DPYSL3: variants seen among roughly 807,000 people sequenced by gnomAD.
DPYSL3 encodes dihydropyrimidinase-related protein 3.
A neutral mutation model predicts 66.1 loss-of-function variants in DPYSL3; 16 were observed. The ratio of observed to expected loss-of-function variants is 0.24; its 90% CI spans 0.16 to 0.37. DPYSL3 has a LOEUF of 0.37. DPYSL3 is among the 10% of genes least tolerant of loss of function. The pLI, the probability that DPYSL3 is intolerant of heterozygous loss-of-function variation, is 1.00. For synonymous variants in DPYSL3, 338 were observed against 345.1 expected (o/e 0.98, Z 0.23); for missense variants, 738 against 916.2 (o/e 0.81, Z 2.51).
At chr5:147,404,808 A>T (rs1025226444) in intron 8 of DPYSL3, among the ~76,000 whole-genome samples, 1 of 152,182 alleles carries the variant, frequency 6.6e-6, no homozygotes, top group Non-Finnish European at 1.5e-5. Context: ...GGTGGCCAAT[A>T]TGCTTTGGAG....
At chr5:147,500,894 G>C (rs1753596774) in intron 1 of DPYSL3, among the ~76,000 whole-genome samples, 1 of 152,128 alleles carries the variant, frequency 6.6e-6, no homozygotes, top group Non-Finnish European at 1.5e-5. Flanking sequence ...GCACCACTTT[G>C]GAAGACAATT....
intron 1 of DPYSL3, among the ~76,000 whole-genome samples, chr5:147,430,522 AAAG>A (rs1489027845): frequency 7.6e-4 from 115 of 151,678 alleles, no homozygotes; most frequent in Middle Eastern, 3.4e-3. Context: ...AAAAAAAAAA[AAAG>A]AAAAAAAAGG....
intron 1 of DPYSL3, among the ~76,000 whole-genome samples, chr5:147,434,507 C>A (rs1282931577): frequency 2.0e-5 from 3 of 152,130 alleles, no homozygotes; most frequent in Non-Finnish European, 4.4e-5. Context: ...GGAAGAAGTG[C>A]CTAAATTCAA....
Position 147,393,921 on chromosome 5 carries a change from G to A in DPYSL3, c.*114C>T. The A allele has an allele frequency of 9.5e-7, 1 of 1,049,474 alleles. No individual in the cohort carries two copies. The highest frequency in any genetic ancestry group is 1.4e-6 in the Non-Finnish European group (1 of 701,128). 65.0% of individuals were successfully genotyped at this position (1,049,474 alleles called of 1,614,324 possible). ...AGAAACATAAGGCTTGAGGCTTATT[G>A]ATTCTTTAGATCACAACCGTTTGGA... On this transcript the variant is annotated 3_prime_UTR_variant, in exon 14 of 14. Coordinates refer to ENST00000343218, the MANE Select transcript of DPYSL3 (RefSeq NM_001197294.2).
intron 1 of DPYSL3, among the ~76,000 whole-genome samples, chr5:147,473,964 A>AT (rs1753120753): frequency 6.6e-6 from 1 of 152,160 alleles, no homozygotes; most frequent in Non-Finnish European, 1.5e-5. Flanking sequence ...GCAAAGTCTC[A>AT]TTTTTATCAA....
At chr5:147,395,516 C>T in intron 13 of DPYSL3, 43 bp downstream of exon 13, 1 of 1,571,704 alleles carries the variant, frequency 6.4e-7, no homozygotes, top group Non-Finnish European at 8.6e-7. Flanking sequence ...TTGATCTTCC[C>T]CTTCCCCCTT....
intron 1 of DPYSL3, among the ~76,000 whole-genome samples, chr5:147,430,448 T>G (rs1461931911): frequency 1.4e-5 from 2 of 147,346 alleles, no homozygotes; most frequent in East Asian, 4.0e-4. Flanking sequence ...AGGCAGAGAT[T>G]GCAGTGAGCC....
intron 1 of DPYSL3, among the ~76,000 whole-genome samples, chr5:147,437,789 G>C (rs1752440384): frequency 6.6e-6 from 1 of 152,248 alleles, no homozygotes; most frequent in East Asian, 1.9e-4. Context: ...GAAAGAGAAG[G>C]GCTTTGGAGT....
intron 1 of DPYSL3, among the ~76,000 whole-genome samples, chr5:147,470,635 T>C (rs1355368776): frequency 6.6e-6 from 1 of 152,186 alleles, no homozygotes; most frequent in African/African-American, 2.4e-5. Context: ...TGCTCATCTC[T>C]GTGGCTTCAT....
intron 1 of DPYSL3, among the ~76,000 whole-genome samples, chr5:147,440,238 G>C (rs1293378300): frequency 1.3e-5 from 2 of 152,182 alleles, no homozygotes; most frequent in African/African-American, 4.8e-5. Flanking sequence ...GGGAGGCGGA[G>C]CTTGCAGTGA....
chr5:147,496,784 A>G (rs1753520321), intron 1 of DPYSL3, among the ~76,000 whole-genome samples: 1 of 151,688 alleles, frequency 6.6e-6, no homozygotes, highest in Non-Finnish European at 1.5e-5. Flanking sequence ...AAATAGGAAC[A>G]CTTTTACACT....
intron 1 of DPYSL3, among the ~76,000 whole-genome samples, chr5:147,452,438 T>TAC (rs35272843): frequency 0.032 from 4,575 of 142,050 alleles, 75 homozygotes; most frequent in East Asian, 0.038. Context: ...ATTCCCCCAC[T>TAC]ACACACACAC....
chr5:147,506,619 A>G (rs560296926), intron 1 of DPYSL3, among the ~76,000 whole-genome samples: 40 of 152,310 alleles, frequency 2.6e-4, no homozygotes, highest in African/African-American at 9.6e-4. Flanking sequence ...TAATAAGGGT[A>G]AGAAAGAAAT....
chr5:147,415,485 C>T (rs1751945399), intron 4 of DPYSL3, among the ~76,000 whole-genome samples: 1 of 152,158 alleles, frequency 6.6e-6, no homozygotes, highest in Non-Finnish European at 1.5e-5. Flanking sequence ...TATTCTGAGC[C>T]TCAGTTTCTC....
chr5:147,491,972 C>CA lies in DPYSL3; in HGVS notation c.381+17505dup, dbSNP rs1390929762. Among the ~76,000 whole-genome samples the CA allele has an allele frequency of 1.0e-3, 156 of 151,476 alleles. 1 individual carries two copies. The highest frequency in any genetic ancestry group is 3.0e-3 in the Admixed American group (46 of 15,216). ...AGAGAATAGCAAGCAAGATAAACAT[C>CA]AAAAAAAACCCTTACACATAGACAT... On this transcript the variant is annotated intron_variant, in intron 1 of 13. Coordinates refer to ENST00000343218, the MANE Select transcript of DPYSL3 (RefSeq NM_001197294.2).
Position 147,393,647 on chromosome 5 carries a change from C to A in DPYSL3, c.*388G>T, listed in dbSNP as rs927647842. 4 of 197,866 alleles carry A rather than the reference C, an allele frequency of 2.0e-5. No homozygotes were observed. Among genetic ancestry groups the A allele is most frequent in the Admixed American group, 1.6e-4 (3 of 18,928 alleles). 12.3% of individuals were successfully genotyped at this position (197,866 alleles called of 1,614,324 possible). A position where few individuals can be genotyped will look rare whatever the true frequency, so the allele number is the denominator to read the frequency against. ...TCCACCTTGCTCCAGGCTCCCACCA[C>A]CCACTCACCCCAAATAACCTGCGTC... On this transcript the variant is annotated 3_prime_UTR_variant, in exon 14 of 14. Coordinates refer to ENST00000343218, the MANE Select transcript of DPYSL3 (RefSeq NM_001197294.2).
chr5:147,436,658 A>T (rs1315785424), intron 1 of DPYSL3, among the ~76,000 whole-genome samples: 1 of 152,220 alleles, frequency 6.6e-6, no homozygotes, highest in East Asian at 1.9e-4. Flanking sequence ...AGAAAATTAT[A>T]AAAAAGTAAA....
chr5:147,433,659 A>G (rs1173227118), intron 1 of DPYSL3, among the ~76,000 whole-genome samples: 1 of 152,210 alleles, frequency 6.6e-6, no homozygotes, highest in Non-Finnish European at 1.5e-5. Context: ...GTACATTTAT[A>G]TATCTGTAAA....
intron 1 of DPYSL3, among the ~76,000 whole-genome samples, chr5:147,478,260 G>C (rs1753188420): frequency 6.6e-6 from 1 of 152,144 alleles, no homozygotes; most frequent in Non-Finnish European, 1.5e-5. Context: ...ATATCAGCTA[G>C]AACTTGCATT....
Sources: allele counts gnomAD v4.1 joint callset (sites outside exome capture counted in the v4.1 genomes callset), GRCh38; gene constraint gnomAD v4.1.1; transcripts MANE v1.5; gene names NCBI Gene and HGNC (gene_info 2026-07-23, HGNC 2026-07-21).